ZNF197: variants seen among roughly 807,000 people sequenced by gnomAD.
ZNF197 encodes the protein zinc finger protein 197, also known as VHL-associated KRAB-A domain-containing protein.
Under a neutral mutation model 27.4 loss-of-function variants are expected in ZNF197, and 14 were observed. The observed-to-expected ratio is 0.51, with a 90% confidence interval of 0.34 to 0.80. The LOEUF (loss-of-function observed/expected upper bound fraction) is 0.80. ZNF197 is among the 30% of genes least tolerant of loss of function. The pLI, the probability that ZNF197 is intolerant of heterozygous loss-of-function variation, is 0.02. For synonymous variants in ZNF197, 415 were observed against 420.0 expected (o/e 0.99, Z 0.15); for missense variants, 1,090 against 1,222.6 (o/e 0.89, Z 1.62).
intron 1 of ZNF197, among the ~76,000 whole-genome samples, chr3:44,626,442 T>C (rs954400790): frequency 3.3e-5 from 5 of 152,214 alleles, no homozygotes; most frequent in African/African-American, 9.6e-5. Context: ...CAAAGTCACA[T>C]GGCATATATA....
chr3:44,642,655 C>T lies in ZNF197; in HGVS notation c.1525C>T (p.Pro509Ser). ...TCAGAGGCTCCACAAAGGGGAAGAA[C>T]CTTATAAATGTAATAAGTGTCAGAA... ...DHQRLHKGEE[P>S]YKCNKCQKAF... Residue 509 changes from proline (P) to serine (S), a missense_variant, in exon 6 of 6, where the codon CCT becomes TCT. By Grantham distance (74) the Pro-to-Ser change is moderately conservative (BLOSUM62 -1). Coordinates refer to ENST00000344387, the MANE Select transcript of ZNF197 (RefSeq NM_006991.5). 6.2e-7 allele frequency: 1 copy of T among 1,613,954 alleles called. No individual in the cohort carries two copies. The highest frequency in any genetic ancestry group is 8.5e-7 in the Non-Finnish European group (1 of 1,179,998).
intron 4 of ZNF197, 30 bp downstream of exon 4, chr3:44,632,226 C>T: frequency 6.2e-7 from 1 of 1,609,274 alleles, no homozygotes; most frequent in Non-Finnish European, 8.5e-7. Context: ...TCCTTCCCAT[C>T]TGCACAGCGT....
intron 5 of ZNF197, among the ~76,000 whole-genome samples, chr3:44,635,653 TGAA>T (rs924861690): frequency 1.4e-4 from 21 of 152,208 alleles, no homozygotes; most frequent in Non-Finnish European, 8.8e-5. Context: ...GACTAAAACT[TGAA>T]GGAAAGTATT....
chr3:44,631,346 T>C, intron 3 of ZNF197, 125 bp downstream of exon 3: 1 of 1,195,258 alleles, frequency 8.4e-7, no homozygotes, highest in Non-Finnish European at 1.2e-6. Context: ...CCAATTTCTT[T>C]CTGCTGTTCT....
intron 1 of ZNF197, among the ~76,000 whole-genome samples, chr3:44,627,703 A>G (rs1311060367): frequency 6.6e-6 from 1 of 151,824 alleles, no homozygotes. Context: ...TGGTGGTGCG[A>G]GCCTGTAGTA....
Position 44,642,177 on chromosome 3 carries a change from C to T in ZNF197, c.1047C>T (p.Asp349=). Residue 349 remains aspartate, a synonymous_variant, in exon 6 of 6, where the codon GAC becomes GAT. Transcript: ENST00000344387. ...GCCAAAAGTGGAAGGAATTAGGAGA[C>T]AGCTTGACTTTCGGTTCAGCTATTT... ...KQGQKWKELG[D]SLTFGSAISE... 1 of 1,614,124 alleles carries T rather than the reference C, an allele frequency of 6.2e-7. No homozygotes were observed. Among genetic ancestry groups the T allele is most frequent in the African/African-American group, 1.3e-5 (1 of 75,058 alleles).
Position 44,642,997 on chromosome 3 carries a change from A to C in ZNF197, c.1867A>C (p.Lys623Gln). 1 of 1,614,104 alleles carries C rather than the reference A, an allele frequency of 6.2e-7. No individual in the cohort carries two copies. The highest frequency in any genetic ancestry group is 8.5e-7 in the Non-Finnish European group (1 of 1,180,004). The change falls in exon 6 of 6, where the codon AAA becomes CAA. Residue 623 changes from lysine to glutamine, a missense_variant. Transcript: ENST00000344387. ...GATGCACAGCAGAGAGAAACCTTAC[A>C]AATGCACTGAATGTGGGAAAGCCTT... ...KRMHSREKPYKCTECGKAFTQ... is the reference protein window; with the variant it reads ...KRMHSREKPYQCTECGKAFTQ...
intron 5 of ZNF197, among the ~76,000 whole-genome samples, chr3:44,633,888 TGTTA>T (rs931643283): frequency 2.0e-5 from 3 of 152,236 alleles, no homozygotes; most frequent in African/African-American, 7.2e-5. Flanking sequence ...TTTTTGTTTG[TGTTA>T]ATTTTGTACC....
In ZNF197 at chr3:44,632,898, G is replaced by C. The variant is rs75689555; in HGVS notation, c.769+299G>C. On this transcript the variant is annotated intron_variant, in intron 5 of 5. Transcript: ENST00000344387. ...TGTTCTCACATGTTACAAACTCTTT[G>C]CAGTTATTATCTATATTGGCTATAT... is the stretch of plus-strand genomic sequence containing the variant. Among the ~76,000 whole-genome samples, 1,336 of 152,024 alleles carry C rather than the reference G, an allele frequency of 8.8e-3. 21 individuals carry two copies. The highest frequency in any genetic ancestry group is 0.031 in the African/African-American group (1,278 of 41,460).
chr3:44,646,501 A>G lies in ZNF197; in HGVS notation c.*2281A>G. The G allele has an allele frequency of 6.3e-7, 1 of 1,575,106 alleles. No homozygotes were observed. Among genetic ancestry groups the G allele is most frequent in the Non-Finnish European group, 8.7e-7 (1 of 1,144,436 alleles). ...GGACCTCATTGCCAGGTTACAGGAAATACAGGAGGCAGAGGAACAAATAAA... is the reference window on the plus strand; with the variant it reads ...GGACCTCATTGCCAGGTTACAGGAAGTACAGGAGGCAGAGGAACAAATAAA... On this transcript the variant is annotated 3_prime_UTR_variant, in exon 6 of 6. Coordinates refer to ENST00000344387, the MANE Select transcript of ZNF197 (RefSeq NM_006991.5).
intron 5 of ZNF197, among the ~76,000 whole-genome samples, chr3:44,639,007 C>T (rs1039614691): frequency 1.3e-5 from 2 of 152,236 alleles, no homozygotes; most frequent in Non-Finnish European, 2.9e-5. Context: ...AGCCACTGTG[C>T]CTGGCCAGAA....
chr3:44,642,656 C>A lies in ZNF197; in HGVS notation c.1526C>A (p.Pro509His), dbSNP rs750583643. Reference sequence around the variant, plus strand: ...CAGAGGCTCCACAAAGGGGAAGAACCTTATAAATGTAATAAGTGTCAGAAA... The same window carrying A: ...CAGAGGCTCCACAAAGGGGAAGAACATTATAAATGTAATAAGTGTCAGAAA... Reference protein sequence around the residue: ...DHQRLHKGEEPYKCNKCQKAF... With the variant: ...DHQRLHKGEEHYKCNKCQKAF... The change falls in exon 6 of 6, where the codon CCT becomes CAT. Residue 509 changes from proline (P) to histidine (H), a missense_variant. By Grantham distance (77) the Pro-to-His change is moderately conservative. Coordinates refer to ENST00000344387, the MANE Select transcript of ZNF197 (RefSeq NM_006991.5). 6.2e-6 allele frequency: 10 copies of A among 1,614,022 alleles called. No homozygotes were observed. The highest frequency in any genetic ancestry group is 8.5e-6 in the Non-Finnish European group (10 of 1,180,012).
rs1336824731 is a variant in ZNF197, at chr3:44,644,806, G to C, written c.*586G>C. The C allele has an allele frequency of 5.1e-6, 5 of 983,068 alleles. No homozygotes were observed. Among genetic ancestry groups the C allele is most frequent in the Non-Finnish European group, 6.0e-6 (5 of 827,912 alleles). 60.9% of individuals were successfully genotyped at this position (983,068 alleles called of 1,614,324 possible). A position where few individuals can be genotyped will look rare whatever the true frequency, so the allele number is the denominator to read the frequency against. On this transcript the variant is annotated 3_prime_UTR_variant, in exon 6 of 6. Transcript: ENST00000344387. ...AGGCCGAGGTGGGAAGATCCCTTGAGCCCAGGAGTTCGAGACAAGCCTGGG... is the reference window on the plus strand; with the variant it reads ...AGGCCGAGGTGGGAAGATCCCTTGACCCCAGGAGTTCGAGACAAGCCTGGG...
rs1702785239 is a variant in ZNF197, at chr3:44,643,878, CCTT to C, written c.2749_2751del (p.Leu917del). The C allele has an allele frequency of 6.2e-7, 1 of 1,613,468 alleles. No individual in the cohort carries two copies. The highest frequency in any genetic ancestry group is 8.5e-7 in the Non-Finnish European group (1 of 1,179,886). On this transcript the variant is annotated inframe_deletion, in exon 6 of 6. Coordinates refer to ENST00000344387, the MANE Select transcript of ZNF197 (RefSeq NM_006991.5). Reference sequence around the variant, plus strand: ...GAAAAGACTTTAGTCAGAATAAAAACCTTGTTGTACATCAGAGAATGCACACTG... The same window carrying C: ...GAAAAGACTTTAGTCAGAATAAAAACGTTGTACATCAGAGAATGCACACTG...
Position 44,643,480 on chromosome 3 carries a change from C to T in ZNF197, c.2350C>T (p.His784Tyr). 1.2e-6 allele frequency: 2 copies of T among 1,614,134 alleles called. No individual in the cohort carries two copies. Among genetic ancestry groups the T allele is most frequent in the Non-Finnish European group, 1.7e-6 (2 of 1,180,014 alleles). The change falls in exon 6 of 6, where the codon CAC becomes TAC. Residue 784 changes from histidine to tyrosine, a missense_variant. Transcript: ENST00000344387. ...NRNLIEHKRIHSGEKPYECDE... is the reference protein window; with the variant it reads ...NRNLIEHKRIYSGEKPYECDE... ...AAACCTCATTGAGCATAAGAGAATC[C>T]ACAGTGGTGAGAAACCCTATGAGTG...
chr3:44,642,491 A>G lies in ZNF197; in HGVS notation c.1361A>G (p.Tyr454Cys), dbSNP rs148523845. ...AGGATCCACACTGGGGAGAAACCTT[A>G]TAAGTGTAAGGAGTGTGGAAAGGGC... Reference protein sequence around the residue: ...HQRIHTGEKPYKCKECGKGFY... With the variant: ...HQRIHTGEKPCKCKECGKGFY... Residue 454 changes from tyrosine to cysteine, a missense_variant, in exon 6 of 6, where the codon TAT (tyrosine) becomes TGT (cysteine). By Grantham distance (194) the Tyr-to-Cys change is radical (BLOSUM62 -2). Coordinates refer to ENST00000344387, the MANE Select transcript of ZNF197 (RefSeq NM_006991.5). 2.4e-5 allele frequency: 39 copies of G among 1,613,982 alleles called. No individual in the cohort carries two copies. Among genetic ancestry groups the G allele is most frequent in the South Asian group, 7.7e-5 (7 of 91,080 alleles).
chr3:44,631,999 C>A, intron 3 of ZNF197, 106 bp from the exon 4 acceptor site: 2 of 1,031,928 alleles, frequency 1.9e-6, no homozygotes, highest in Non-Finnish European at 3.0e-6. Context: ...CCACGCCCTG[C>A]CTTGTATCAT....
At chr3:44,639,022 T>C (rs1319380828) in intron 5 of ZNF197, among the ~76,000 whole-genome samples, 1 of 152,262 alleles carries the variant, frequency 6.6e-6, no homozygotes. Flanking sequence ...CCAGAAATTC[T>C]ATTCCTACTT....
chr3:44,638,662 G>A (rs1199599242), intron 5 of ZNF197, among the ~76,000 whole-genome samples: 1 of 152,086 alleles, frequency 6.6e-6, no homozygotes, highest in Non-Finnish European at 1.5e-5. Context: ...TGTCCTTAGA[G>A]AGAACACATT....
Sources: gnomAD v4.1 joint callset for allele counts (sites outside exome capture counted in the v4.1 genomes callset) on GRCh38, gnomAD v4.1.1 for gene constraint, MANE v1.5 for transcripts, NCBI Gene and HGNC (gene_info 2026-07-23, HGNC 2026-07-21) for gene names.